The following TANGO2 variants were observed in gnomAD, a reference collection of about 807,000 sequenced individuals.
TANGO2 encodes transport and Golgi organization protein 2 homolog.
Under a neutral mutation model 39.1 loss-of-function variants are expected in TANGO2, and 26 were observed. That is an observed-to-expected ratio of 0.67 (90% confidence interval 0.49 to 0.92). TANGO2 has a LOEUF of 0.92. TANGO2 is among the 40% of genes least tolerant of loss of function. TANGO2 has a pLI of 0.00. For synonymous variants in TANGO2, 131 were observed against 144.5 expected (o/e 0.91, Z 0.67); for missense variants, 326 against 360.1 (o/e 0.91, Z 0.77).
chr22:20,059,383 G>A (rs1031101110), intron 6 of TANGO2, among the ~76,000 whole-genome samples: 1 of 152,160 alleles, frequency 6.6e-6, no homozygotes, highest in Non-Finnish European at 1.5e-5. Context: ...TGTTTTTATG[G>A]CTCTCATGTG....
chr22:20,047,742 CT>C (rs1270553999), intron 3 of TANGO2, among the ~76,000 whole-genome samples: 5 of 152,068 alleles, frequency 3.3e-5, no homozygotes, highest in Non-Finnish European at 5.9e-5. Flanking sequence ...CTGTCATATC[CT>C]TTTTTGTAAA....
intron 3 of TANGO2, among the ~76,000 whole-genome samples, chr22:20,051,951 C>T (rs2046413057): frequency 6.6e-6 from 1 of 152,224 alleles, no homozygotes; most frequent in African/African-American, 2.4e-5. Context: ...TAAGAAGGAG[C>T]CCTCCTGTGG....
At chr22:20,037,755 G>A (rs921073170) in intron 2 of TANGO2, among the ~76,000 whole-genome samples, 1 of 152,202 alleles carries the variant, frequency 6.6e-6, no homozygotes. Context: ...GACTGCTACA[G>A]GGACTGGAGT....
intron 2 of TANGO2, among the ~76,000 whole-genome samples, chr22:20,041,631 A>C (rs946779308): frequency 6.6e-6 from 1 of 151,946 alleles, no homozygotes; most frequent in African/African-American, 2.4e-5. Context: ...TATTTTTAAT[A>C]GAGATGGGGT....
chr22:20,040,228 G>A (rs2043647011), intron 2 of TANGO2, among the ~76,000 whole-genome samples: 1 of 152,148 alleles, frequency 6.6e-6, no homozygotes, highest in Non-Finnish European at 1.5e-5. Context: ...AAATAACCTG[G>A]CAATTAATGT....
rs771634933 is a variant in TANGO2, at chr22:20,064,831, C to G, written c.*169C>G. ...TGTTACCCATCTGTGTCCCCATGCCCAGTTCAGGGTCTGCCTTTATGCCAG... is the reference window on the plus strand; with the variant it reads ...TGTTACCCATCTGTGTCCCCATGCCGAGTTCAGGGTCTGCCTTTATGCCAG... On this transcript the variant is annotated 3_prime_UTR_variant, in exon 9 of 9. Transcript: ENST00000327374. 1 of 832,036 alleles carries G rather than the reference C, an allele frequency of 1.2e-6. No homozygotes were observed. The highest frequency in any genetic ancestry group is 1.7e-5 in the African/African-American group (1 of 58,058). 51.5% of individuals were successfully genotyped at this position (832,036 alleles called of 1,614,324 possible).
chr22:20,052,692 TG>T (rs2046601071), intron 4 of TANGO2, 108 bp downstream of exon 4: 2 of 1,389,474 alleles, frequency 1.4e-6, no homozygotes, highest in African/African-American at 1.4e-5. Flanking sequence ...TATGGTGGAG[TG>T]GGGCGGGCCA....
intron 1 of TANGO2, among the ~76,000 whole-genome samples, chr22:20,031,584 G>T (rs373409158): frequency 2.6e-5 from 4 of 152,310 alleles, no homozygotes; most frequent in African/African-American, 9.6e-5. Context: ...CATCCCTGTG[G>T]GCCTGGTGAG....
chr22:20,036,823 G>C lies in TANGO2; in HGVS notation c.25G>C (p.Asp9His), dbSNP rs1038451472. The C allele has an allele frequency of 2.5e-6, 4 of 1,614,086 alleles. No individual in the cohort carries two copies. The African/African-American group carries it at 5.3e-5, about 22-fold the overall frequency. Residue 9 changes from aspartate (D) to histidine (H), a missense_variant, in exon 2 of 9, where the codon GAT (aspartate) becomes CAT (histidine). Asp to His is a moderately conservative substitution (Grantham distance 81). Transcript: ENST00000327374. MCIIFFKF[D>H]PRPVSKNAYR... The stretch of plus-strand genomic sequence containing the variant: ...CATGTGCATCATCTTCTTTAAGTTT[G>C]ATCCTCGCCCTGTTTCCAAAAACGC...
At chr22:20,039,091 G>GCC (rs1217653440) in intron 2 of TANGO2, among the ~76,000 whole-genome samples, 1 of 134,472 alleles carries the variant, frequency 7.4e-6, no homozygotes, top group African/African-American at 2.6e-5. Flanking sequence ...ACAACACCAT[G>GCC]CCCGGCTAAT....
intron 2 of TANGO2, among the ~76,000 whole-genome samples, chr22:20,041,596 G>A (rs1189842577): frequency 6.6e-6 from 1 of 152,056 alleles, no homozygotes; most frequent in African/African-American, 2.4e-5. Flanking sequence ...ACAGGCGTGA[G>A]CCACCGGGCC....
chr22:20,041,141 C>T (rs540161000), intron 2 of TANGO2, among the ~76,000 whole-genome samples: 1 of 152,308 alleles, frequency 6.6e-6, no homozygotes, highest in East Asian at 1.9e-4. Context: ...ATGGTGGGTG[C>T]TAGCACCATG....
rs1047750837 is a variant in TANGO2, at chr22:20,057,580, A to G, written c.451+1567A>G. Among the ~76,000 whole-genome samples, 2 of 152,186 alleles carry G rather than the reference A, an allele frequency of 1.3e-5. No individual in the cohort carries two copies. The highest frequency in any genetic ancestry group is 2.9e-5 in the Non-Finnish European group (2 of 68,028). ...TCCCAAGAGCTGGGCAGTGGCACAG[A>G]CACAGAGACTACCAGCGAGGCAGGG... On this transcript the variant is annotated intron_variant, in intron 6 of 8. Transcript: ENST00000327374. This position sits in a 1 kb window ranked among gnomAD's most constrained non-coding sequence, Gnocchi z 4.1.
intron 5 of TANGO2, chr22:20,055,634 G>T (rs2047189469): frequency 4.3e-6 from 2 of 460,450 alleles, no homozygotes; most frequent in South Asian, 4.5e-5. Context: ...GTCCCCATGG[G>T]CAGCCTCTGT....
intron 8 of TANGO2, 125 bp from the exon 9 acceptor site, chr22:20,064,417 T>C: frequency 2.5e-6 from 3 of 1,221,616 alleles, no homozygotes; most frequent in Non-Finnish European, 3.5e-6. Context: ...CTCTGTGACT[T>C]GGCACAGCCT....
intron 6 of TANGO2, among the ~76,000 whole-genome samples, chr22:20,060,358 A>C (rs1324256647): frequency 6.6e-6 from 1 of 151,512 alleles, no homozygotes; most frequent in African/African-American, 2.4e-5. Context: ...CAAAAAAAAA[A>C]AAAAAAAAAA....
intron 1 of TANGO2, among the ~76,000 whole-genome samples, chr22:20,027,973 AT>A (rs1396663916): frequency 2.0e-5 from 3 of 151,606 alleles, no homozygotes; most frequent in Non-Finnish European, 4.4e-5. Context: ...TAATTTTTGT[AT>A]TTTTAGTAGA....
chr22:20,053,841 C>G (rs1181246379), intron 5 of TANGO2: 6 of 459,336 alleles, frequency 1.3e-5, no homozygotes, highest in Non-Finnish European at 2.6e-5. Context: ...CGGGTGTCCT[C>G]CCTCCCACGG....
chr22:20,027,577 G>A (rs1244796380), intron 1 of TANGO2, among the ~76,000 whole-genome samples: 1 of 152,108 alleles, frequency 6.6e-6, no homozygotes, highest in African/African-American at 2.4e-5. Context: ...AGAACACTCT[G>A]GCGCCACAGG....
Sources: allele counts gnomAD v4.1 joint callset (sites outside exome capture counted in the v4.1 genomes callset), GRCh38; gene constraint gnomAD v4.1.1; non-coding constraint Gnocchi (gnomAD v3.1); transcripts MANE v1.5; gene names NCBI Gene and HGNC (gene_info 2026-07-23, HGNC 2026-07-21).